Variants in SYNE2 observed in about 807,000 individuals in gnomAD.
SYNE2 encodes nesprin-2.
A neutral mutation model predicts 856.3 loss-of-function variants in SYNE2; 431 were observed. That is an observed-to-expected ratio of 0.50 (90% CI 0.47 to 0.55). The LOEUF is 0.55. Ranked by LOEUF, SYNE2 falls within the 20% of genes least tolerant of loss-of-function variation. The pLI, the probability that SYNE2 is intolerant of heterozygous loss-of-function variation, is 0.00. For missense variants in SYNE2, 8,129 were observed against 8,023.2 expected, an observed-to-expected ratio of 1.01 and a Z score of -0.50; for synonymous variants, 2,923 against 2,872.3, an observed-to-expected ratio of 1.02 and a Z score of -0.56.
chr14:63,972,794 A>G (rs953493991), intron 11 of SYNE2, among the ~76,000 whole-genome samples: 2 of 152,206 alleles, frequency 1.3e-5, no homozygotes, highest in African/African-American at 4.8e-5. Flanking sequence ...TTTAATTCAA[A>G]ATATATGCAG....
intron 45 of SYNE2, among the ~76,000 whole-genome samples, chr14:64,035,369 A>G (rs953867668): frequency 1.3e-5 from 2 of 152,116 alleles, no homozygotes; most frequent in Non-Finnish European, 2.9e-5. Flanking sequence ...AAAAAAAGTT[A>G]TAACAGAGCA....
intron 1 of SYNE2, among the ~76,000 whole-genome samples, chr14:63,775,091 C>T (rs1428613235): frequency 6.6e-6 from 1 of 152,116 alleles, no homozygotes; most frequent in Non-Finnish European, 1.5e-5. Flanking sequence ...ATTCTCCTGC[C>T]TCAACCTCCC....
In SYNE2 at chr14:64,202,974, C is replaced by T. The variant is rs753732432; in HGVS notation, c.18201+11C>T. 16 of 1,613,972 alleles carry T rather than the reference C, an allele frequency of 9.9e-6. No individual in the cohort carries two copies. In the Admixed American group the frequency reaches 1.8e-4, roughly 18 times the overall value. ...CTCGCTGAGCAGCAGGTGGGACAAT[C>T]AGAAATGAGCTCTTGCAAGAGTACG... On this transcript the variant is annotated intron_variant, in intron 100 of 115. Transcript: ENST00000555002.
At chr14:63,936,256 G>A (rs1389662931) in intron 2 of SYNE2, among the ~76,000 whole-genome samples, 1 of 152,210 alleles carries the variant, frequency 6.6e-6, no homozygotes, top group African/African-American at 2.4e-5. Context: ...ACATAGCACA[G>A]ACAAAGCATC....
At chr14:63,903,948 T>G (rs1387137969) in intron 1 of SYNE2, among the ~76,000 whole-genome samples, 1 of 152,118 alleles carries the variant, frequency 6.6e-6, no homozygotes, top group Non-Finnish European at 1.5e-5. Context: ...CCCAATAGGT[T>G]GTTTTTCAAC....
In SYNE2 at chr14:63,883,529, T is replaced by G. The variant is rs1449576153; in HGVS notation, c.-51-25569T>G. On this transcript the variant is annotated intron_variant, in intron 1 of 115. Coordinates refer to ENST00000555002, the MANE Select transcript of SYNE2 (RefSeq NM_182914.3). ...CACGCCTGGCTAACTTTTTTTGGTATTTTTTTTGTAGAGATGGGGTTTTGT... is the reference window on the plus strand; with the variant it reads ...CACGCCTGGCTAACTTTTTTTGGTAGTTTTTTTGTAGAGATGGGGTTTTGT... Among the ~76,000 whole-genome samples the G allele has an allele frequency of 4.0e-3, 65 of 16,092 alleles. 1 individual carries two copies. The highest frequency in any genetic ancestry group is 3.0e-4 in the Non-Finnish European group (2 of 6,720). 10.6% of individuals were successfully genotyped at this position (16,092 alleles called of 152,430 possible).
intron 2 of SYNE2, 150 bp downstream of exon 2, chr14:63,909,377 G>T: frequency 1.8e-6 from 1 of 544,310 alleles, no homozygotes; most frequent in Non-Finnish European, 3.3e-6. Flanking sequence ...ATATTTAAAT[G>T]TCTTTATTTC....
intron 94 of SYNE2, 43 bp from the exon 95 acceptor site, chr14:64,174,901 C>A: frequency 6.4e-7 from 1 of 1,569,838 alleles, no homozygotes; most frequent in South Asian, 1.1e-5. Flanking sequence ...ACATTTTGAA[C>A]ACATCAGAAA....
chr14:63,910,302 T>C (rs2095458093), intron 2 of SYNE2, among the ~76,000 whole-genome samples: 1 of 152,220 alleles, frequency 6.6e-6, no homozygotes, highest in Non-Finnish European at 1.5e-5. Flanking sequence ...TTGAGTGATT[T>C]GGCAAAATAA....
chr14:63,944,219 TG>T (rs1478868530), intron 6 of SYNE2, among the ~76,000 whole-genome samples: 1 of 150,080 alleles, frequency 6.7e-6, no homozygotes, highest in East Asian at 1.9e-4. Flanking sequence ...TTTAACAAAA[TG>T]GGGGTCATGT....
intron 92 of SYNE2, among the ~76,000 whole-genome samples, chr14:64,168,425 T>G (rs1345448919): frequency 6.6e-6 from 1 of 152,242 alleles, no homozygotes; most frequent in Non-Finnish European, 1.5e-5. Context: ...CTGCAACTTT[T>G]TAATGTAACT....
At chr14:63,884,623 TGA>T (rs1327826606) in intron 1 of SYNE2, among the ~76,000 whole-genome samples, 5 of 151,594 alleles carry the variant, frequency 3.3e-5, no homozygotes, top group African/African-American at 1.2e-4. Flanking sequence ...ATGGAATAGG[TGA>T]GAGAGTGTGT....
rs116394628 is a variant in SYNE2, at chr14:64,223,389, A to G, written c.20382+9A>G. 4.2e-4 allele frequency: 682 copies of G among 1,613,440 alleles called. 3 individuals carry two copies. In the African/African-American group the frequency reaches 8.2e-3, roughly 19 times the overall value. On this transcript the variant is annotated intron_variant, in intron 113 of 115. Coordinates refer to ENST00000555002, the MANE Select transcript of SYNE2 (RefSeq NM_182914.3). ...CCTTGCAGGGAACCCAGGTGAGTCTACTTGTAGCTTTTAACTGTAAAGATT... is the reference window on the plus strand; with the variant it reads ...CCTTGCAGGGAACCCAGGTGAGTCTGCTTGTAGCTTTTAACTGTAAAGATT...
intron 32 of SYNE2, among the ~76,000 whole-genome samples, chr14:64,010,471 CCT>C (rs1448423083): frequency 6.6e-6 from 1 of 152,182 alleles, no homozygotes; most frequent in Non-Finnish European, 1.5e-5. Context: ...GTGGGAAAAT[CCT>C]CTCTGTTGTT....
intron 1 of SYNE2, among the ~76,000 whole-genome samples, chr14:63,813,794 C>T (rs931725771): frequency 6.6e-6 from 1 of 152,232 alleles, no homozygotes; most frequent in African/African-American, 2.4e-5. Flanking sequence ...TGGCTCATGC[C>T]TGTAATCCCA....
chr14:63,992,899 G>C (rs1215010805), intron 21 of SYNE2, among the ~76,000 whole-genome samples: 1 of 152,178 alleles, frequency 6.6e-6, no homozygotes, highest in African/African-American at 2.4e-5. Flanking sequence ...AATGTGTAAT[G>C]AGTGAATGAG....
rs770101693 is a variant in SYNE2, at chr14:63,771,066, C to CTTTT, written c.-305+9098_-305+9101dup. 3.1e-3 allele frequency among the ~76,000 whole-genome samples: 360 copies of CTTTT among 116,260 alleles called. 4 individuals are homozygous for CTTTT. The highest frequency in any genetic ancestry group is 6.3e-3 in the African/African-American group (179 of 28,338). 76.3% of individuals were successfully genotyped at this position (116,260 alleles called of 152,430 possible). ...AGAGTCACAGAAACCCTTATACACT[C>CTTTT]TTTTTTTTTTTTTTTTTTTTTGAGA... On this transcript the variant is annotated intron_variant, in intron 1 of 23. Coordinates refer to the SYNE2 transcript ENST00000674003.
At chr14:64,054,801 G>T (rs2097256297) in intron 48 of SYNE2, among the ~76,000 whole-genome samples, 1 of 152,064 alleles carries the variant, frequency 6.6e-6, no homozygotes, top group Non-Finnish European at 1.5e-5. Context: ...TTTTCAGATT[G>T]ATCACATTAA....
chr14:64,175,365 C>T (rs901445616), intron 95 of SYNE2, among the ~76,000 whole-genome samples: 10 of 152,118 alleles, frequency 6.6e-5, no homozygotes, highest in African/African-American at 2.4e-4. Flanking sequence ...AAGATACTTA[C>T]TTTTATGAAA....
Sources: gnomAD v4.1 joint callset for allele counts (sites outside exome capture counted in the v4.1 genomes callset) on GRCh38, gnomAD v4.1.1 for gene constraint, MANE v1.5 for transcripts, NCBI Gene and HGNC (gene_info 2026-07-23, HGNC 2026-07-21) for gene names.